Variants in RIT2 observed in about 807,000 individuals in gnomAD.
RIT2 encodes GTP-binding protein Rit2.
Under a neutral mutation model 23.7 loss-of-function variants are expected in RIT2, and 24 were observed. That is an observed-to-expected ratio of 1.01 (90% CI 0.73 to 1.43). The LOEUF is 1.43. Ranked by LOEUF, RIT2 falls within the 40% of genes most tolerant of loss-of-function variation. The pLI is 0.00. For synonymous variants in RIT2, 107 were observed against 91.1 expected (o/e 1.17, Z -0.99); for missense variants, 236 against 266.9 (o/e 0.88, Z 0.81).
chr18:42,937,078 T>C (rs1406833703), intron 3 of RIT2, among the ~76,000 whole-genome samples: 1 of 152,036 alleles, frequency 6.6e-6, no homozygotes, highest in Non-Finnish European at 1.5e-5. Context: ...TTTGATCTGC[T>C]GGGCAAATAT....
At chr18:42,864,748 C>T (rs977843465) in intron 4 of RIT2, among the ~76,000 whole-genome samples, 2 of 152,108 alleles carry the variant, frequency 1.3e-5, no homozygotes, top group Non-Finnish European at 2.9e-5. Flanking sequence ...GCAAGAAATT[C>T]CAGTGACTTC....
At chr18:42,810,170 G>A (rs1460763492) in intron 4 of RIT2, among the ~76,000 whole-genome samples, 1 of 150,554 alleles carries the variant, frequency 6.6e-6, no homozygotes, top group Non-Finnish European at 1.5e-5. Context: ...TAAAGAAAGA[G>A]ATTATTTAAG....
chr18:43,041,608 C>G (rs1170586785), intron 1 of RIT2, among the ~76,000 whole-genome samples: 1 of 152,058 alleles, frequency 6.6e-6, no homozygotes, highest in African/African-American at 2.4e-5. Context: ...CATACAATGG[C>G]AGTGGTGACA....
chr18:43,051,145 T>TC (rs1007539479), intron 1 of RIT2, among the ~76,000 whole-genome samples: 6 of 151,694 alleles, frequency 4.0e-5, no homozygotes, highest in Admixed American at 6.6e-5. Context: ...GTAGATAGTG[T>TC]CCCCCCTGAC....
At chr18:42,796,224 C>T (rs1409323495) in intron 4 of RIT2, among the ~76,000 whole-genome samples, 6 of 152,182 alleles carry the variant, frequency 3.9e-5, no homozygotes, top group Non-Finnish European at 5.9e-5. Flanking sequence ...AGACCAGGAG[C>T]TCACTGGGAG....
At chr18:43,076,497 G>T (rs1427579993) in intron 1 of RIT2, among the ~76,000 whole-genome samples, 1 of 152,062 alleles carries the variant, frequency 6.6e-6, no homozygotes, top group East Asian at 1.9e-4. Flanking sequence ...TATATGTTGT[G>T]TTGTGAGGAA....
chr18:42,889,627 G>A (rs76827689), intron 4 of RIT2, among the ~76,000 whole-genome samples: 3 of 152,002 alleles, frequency 2.0e-5, no homozygotes, highest in African/African-American at 7.2e-5. Context: ...TAATGGATTA[G>A]TGATAGCAAA....
intron 2 of RIT2, among the ~76,000 whole-genome samples, chr18:42,998,922 G>A (rs984745861): frequency 1.3e-5 from 2 of 152,060 alleles, no homozygotes; most frequent in Non-Finnish European, 2.9e-5. Flanking sequence ...AGATGATTGC[G>A]AACCAGGTTA....
intron 4 of RIT2, among the ~76,000 whole-genome samples, chr18:42,788,383 T>C (rs550065801): frequency 1.3e-3 from 200 of 152,306 alleles, no homozygotes; most frequent in African/African-American, 4.7e-3. Context: ...GATAGTTTTC[T>C]GAAGTTCTAT....
chr18:42,826,244 T>C (rs1188230393), intron 4 of RIT2, among the ~76,000 whole-genome samples: 1 of 152,066 alleles, frequency 6.6e-6, no homozygotes, highest in Non-Finnish European at 1.5e-5. Flanking sequence ...TACATCCATT[T>C]TACAGAAGAG....
intron 4 of RIT2, among the ~76,000 whole-genome samples, chr18:42,814,760 C>A (rs1905947665): frequency 2.6e-5 from 4 of 152,140 alleles, no homozygotes; most frequent in Admixed American, 2.6e-4. Context: ...GGAGGCCAAC[C>A]AGAACAAAAC....
chr18:43,021,233 G>A (rs1379665827), intron 2 of RIT2, among the ~76,000 whole-genome samples: 1 of 151,858 alleles, frequency 6.6e-6, no homozygotes, highest in African/African-American at 2.4e-5. Context: ...AACTCGAAAG[G>A]ATATTTCTCA....
intron 4 of RIT2, among the ~76,000 whole-genome samples, chr18:42,754,171 T>C (rs921984874): frequency 2.0e-5 from 3 of 152,138 alleles, no homozygotes; most frequent in African/African-American, 7.2e-5. Flanking sequence ...ACGTCCCTCT[T>C]TTAGGAGGGA....
At chr18:42,876,787 G>A (rs1048150636) in intron 4 of RIT2, among the ~76,000 whole-genome samples, 3 of 151,580 alleles carry the variant, frequency 2.0e-5, no homozygotes, top group Admixed American at 1.3e-4. Flanking sequence ...TGCCCCTATA[G>A]GTACATTTAA....
intron 4 of RIT2, among the ~76,000 whole-genome samples, chr18:42,781,734 T>G (rs903531248): frequency 1.1e-4 from 16 of 152,238 alleles, no homozygotes; most frequent in African/African-American, 2.9e-4. Flanking sequence ...TGCCCGTTGC[T>G]TTTCAATTAT....
chr18:42,780,174 A>G (rs891700397), intron 4 of RIT2, among the ~76,000 whole-genome samples: 1 of 142,186 alleles, frequency 7.0e-6, no homozygotes, highest in Non-Finnish European at 1.5e-5. Flanking sequence ...TATTTTAGGG[A>G]GGCAGAAGTT....
At chr18:42,937,944 G>T (rs1476060639) in intron 3 of RIT2, among the ~76,000 whole-genome samples, 1 of 152,130 alleles carries the variant, frequency 6.6e-6, no homozygotes, top group Non-Finnish European at 1.5e-5. Flanking sequence ...GGCATTGGTA[G>T]TTCTCTCCCT....
intron 1 of RIT2, among the ~76,000 whole-genome samples, chr18:43,073,309 G>A (rs2144337993): frequency 6.6e-6 from 1 of 152,286 alleles, no homozygotes; most frequent in African/African-American, 2.4e-5. Context: ...CTTTTTGAAA[G>A]GGTGCTATCA....
intron 3 of RIT2, among the ~76,000 whole-genome samples, chr18:42,942,754 C>A (rs888365186): frequency 6.6e-6 from 1 of 152,012 alleles, no homozygotes; most frequent in African/African-American, 2.4e-5. Flanking sequence ...ACCTTGCACC[C>A]TGAGCTGTCA....
Sources: gnomAD v4.1 joint callset for allele counts (sites outside exome capture counted in the v4.1 genomes callset) on GRCh38, gnomAD v4.1.1 for gene constraint, MANE v1.5 for transcripts, NCBI Gene and HGNC (gene_info 2026-07-23, HGNC 2026-07-21) for gene names.